OLFM3: variants seen among roughly 807,000 people sequenced by gnomAD.
OLFM3 encodes the protein olfactomedin 3, also known as noelin-3.
OLFM3 carries 20 observed loss-of-function variants against 48.6 expected under a neutral mutation model. That is an observed-to-expected ratio of 0.41 (90% CI 0.29 to 0.60). The LOEUF is 0.60. Ranked by LOEUF, OLFM3 falls within the 20% of genes least tolerant of loss-of-function variation. The probability of loss-of-function intolerance (pLI) is 0.28; values close to 1 mark genes in which losing one functional copy is unlikely to be tolerated. For missense variants in OLFM3, 437 were observed against 544.3 expected (o/e 0.80, Z 1.96); for synonymous variants, 222 against 198.1 (o/e 1.12, Z -1.01).
In OLFM3 at chr1:101,803,109, T is replaced by C. The variant is rs1348117078; in HGVS notation, c.*1129A>G. 3 of 152,022 alleles carry C rather than the reference T, an allele frequency of 2.0e-5. No homozygotes were observed. Among genetic ancestry groups the C allele is most frequent in the Non-Finnish European group, 3.0e-5 (2 of 67,712 alleles). 9.4% of individuals were successfully genotyped at this position (152,022 alleles called of 1,614,324 possible). ...CCCCATATTTTATTTTGCACAAATC[T>C]TGCCAATAACTCCTCAGGGCTCATA... On this transcript the variant is annotated 3_prime_UTR_variant, in exon 6 of 6. Coordinates refer to ENST00000370103, the MANE Select transcript of OLFM3 (RefSeq NM_058170.4).
chr1:101,996,216 A>G (rs1459754871), intron 1 of OLFM3, among the ~76,000 whole-genome samples: 3 of 152,166 alleles, frequency 2.0e-5, no homozygotes, highest in Non-Finnish European at 4.4e-5. Flanking sequence ...CCTCTCAGCC[A>G]TGGCAGAGAG....
intron 1 of OLFM3, among the ~76,000 whole-genome samples, chr1:101,976,976 A>C (rs148172117): frequency 0.01 from 1,533 of 152,238 alleles, 16 homozygotes; most frequent in Middle Eastern, 0.017. Flanking sequence ...TAGCTCATGG[A>C]CAACTTCAAT....
At chr1:101,981,048 A>G (rs1171671761) in intron 1 of OLFM3, among the ~76,000 whole-genome samples, 1 of 152,134 alleles carries the variant, frequency 6.6e-6, no homozygotes, top group African/African-American at 2.4e-5. Context: ...TTCTCTGAAC[A>G]CTCAGCTGCC....
rs144221371 is a variant in OLFM3 at position 101,936,836 on chromosome 1, C to T, written c.69+59912G>A. On this transcript the variant is annotated intron_variant, in intron 1 of 5. Coordinates refer to ENST00000370103, the MANE Select transcript of OLFM3 (RefSeq NM_058170.4). ...ACAACCATCTGATCTTTGACAAAGTCGACAAAAGCAAGCAATGGAGAAATG... is the reference window on the plus strand; with the variant it reads ...ACAACCATCTGATCTTTGACAAAGTTGACAAAAGCAAGCAATGGAGAAATG... 1.2e-4 allele frequency among the ~76,000 whole-genome samples: 18 copies of T among 152,066 alleles called. No individual in the cohort carries two copies. The East Asian group carries it at 3.5e-3, about 29-fold the overall frequency.
chr1:101,902,713 T>G (rs778408631), intron 1 of OLFM3, among the ~76,000 whole-genome samples: 21 of 152,228 alleles, frequency 1.4e-4, no homozygotes, highest in Non-Finnish European at 2.1e-4. Flanking sequence ...TACTATTTGT[T>G]TAGGGGTTAC....
intron 1 of OLFM3, among the ~76,000 whole-genome samples, chr1:101,892,436 G>A (rs1319154467): frequency 6.6e-6 from 1 of 152,046 alleles, no homozygotes; most frequent in Non-Finnish European, 1.5e-5. Flanking sequence ...ATTTGCGCAT[G>A]TATCTAACAA....
chr1:101,924,160 T>G (rs76188733), intron 1 of OLFM3, among the ~76,000 whole-genome samples: 1 of 152,272 alleles, frequency 6.6e-6, no homozygotes, highest in African/African-American at 2.4e-5. Context: ...TTCGTTAAAT[T>G]TAAACATCAA....
At chr1:101,992,877 G>T (rs1278464989) in intron 1 of OLFM3, among the ~76,000 whole-genome samples, 1 of 152,098 alleles carries the variant, frequency 6.6e-6, no homozygotes, top group Non-Finnish European at 1.5e-5. Flanking sequence ...TAATTGCCTG[G>T]GTTGCCTTGG....
chr1:101,910,257 G>C (rs1455551397), intron 1 of OLFM3: 3 of 303,198 alleles, frequency 9.9e-6, no homozygotes, highest in Non-Finnish European at 1.5e-5. Flanking sequence ...ACAAGGTCAG[G>C]AGATCGAGAC....
chr1:101,816,169 A>T (rs1654327380), intron 4 of OLFM3, among the ~76,000 whole-genome samples: 1 of 152,220 alleles, frequency 6.6e-6, no homozygotes, highest in South Asian at 2.1e-4. Flanking sequence ...ACTCAGAAAA[A>T]GTGTGGTGAT....
Position 101,853,435 on chromosome 1 carries a change from C to CT in OLFM3, c.70-16411dup, listed in dbSNP as rs553858143. 3.5e-4 allele frequency among the ~76,000 whole-genome samples: 53 copies of CT among 152,080 alleles called. No individual in the cohort carries two copies. The South Asian group carries it at 0.011, about 30-fold the overall frequency. The stretch of plus-strand genomic sequence containing the variant: ...CTTTATATTGTCTTTTGCTGCTTTA[C>CT]TTTTTTTCTCCTTAGAACTAGGTAG... On this transcript the variant is annotated intron_variant, in intron 1 of 5. Coordinates refer to ENST00000370103, the MANE Select transcript of OLFM3 (RefSeq NM_058170.4).
At chr1:101,928,950 C>A (rs1164935101) in intron 1 of OLFM3, among the ~76,000 whole-genome samples, 2 of 152,046 alleles carry the variant, frequency 1.3e-5, no homozygotes, top group African/African-American at 4.8e-5. Context: ...TTCCTATAAT[C>A]CATTGTTCTT....
intron 1 of OLFM3, among the ~76,000 whole-genome samples, chr1:101,886,685 C>T (rs575629235): frequency 5.1e-4 from 78 of 152,092 alleles, no homozygotes; most frequent in African/African-American, 1.9e-3. Flanking sequence ...CAAATGAAAC[C>T]ACGTAGCTGA....
At chr1:101,810,494 G>T (rs1486148825) in intron 4 of OLFM3, among the ~76,000 whole-genome samples, 1 of 151,864 alleles carries the variant, frequency 6.6e-6, no homozygotes, top group Non-Finnish European at 1.5e-5. Context: ...ACAATATTTA[G>T]GTTATAATGT....
chr1:101,963,086 C>T (rs1358216027), intron 1 of OLFM3, among the ~76,000 whole-genome samples: 3 of 152,200 alleles, frequency 2.0e-5, no homozygotes, highest in Admixed American at 6.5e-5. Flanking sequence ...GCTCCTTTCT[C>T]GCACTGGACA....
intron 1 of OLFM3, among the ~76,000 whole-genome samples, chr1:101,900,905 G>A (rs1028007226): frequency 1.3e-5 from 2 of 151,930 alleles, no homozygotes; most frequent in African/African-American, 4.8e-5. Flanking sequence ...AGAAGCGGGT[G>A]CCTATATTTA....
chr1:101,960,280 G>T (rs1414499433), intron 1 of OLFM3, among the ~76,000 whole-genome samples: 1 of 152,150 alleles, frequency 6.6e-6, no homozygotes, highest in Admixed American at 6.6e-5. Context: ...TGACTTTTAA[G>T]CACTGGGACA....
At chr1:101,971,522 C>G (rs1334275680) in intron 1 of OLFM3, among the ~76,000 whole-genome samples, 1 of 152,072 alleles carries the variant, frequency 6.6e-6, no homozygotes, top group East Asian at 1.9e-4. Context: ...TCTTTGATGG[C>G]AAGGCTACAT....
intron 1 of OLFM3, among the ~76,000 whole-genome samples, chr1:101,958,714 T>C (rs1217136003): frequency 6.6e-6 from 1 of 151,876 alleles, no homozygotes; most frequent in Non-Finnish European, 1.5e-5. Flanking sequence ...TGAGTTAAAG[T>C]GATTTTTTTT....
Sources: allele counts gnomAD v4.1 joint callset (sites outside exome capture counted in the v4.1 genomes callset), GRCh38; gene constraint gnomAD v4.1.1; transcripts MANE v1.5; gene names NCBI Gene and HGNC (gene_info 2026-07-23, HGNC 2026-07-21).